The following ARHGAP28 variants were observed in gnomAD, a reference collection of about 807,000 sequenced individuals.
The protein encoded by ARHGAP28 is Rho GTPase activating protein 28, also known as rho GTPase-activating protein 28.
In ARHGAP28, 56 loss-of-function variants were observed where a neutral mutation model predicts 90.7. The observed-to-expected ratio is 0.62, with a 90% CI of 0.50 to 0.77. ARHGAP28 has a LOEUF of 0.77. Ranked by LOEUF, ARHGAP28 falls within the 30% of genes least tolerant of loss-of-function variation. The pLI is 0.00. For missense variants in ARHGAP28, 869 were observed against 900.9 expected, an observed-to-expected ratio of 0.96 and a Z score of 0.45; for synonymous variants, 308 against 323.3, an observed-to-expected ratio of 0.95 and a Z score of 0.51.
At chr18:6,877,684 G>A (rs1276793472) in intron 10 of ARHGAP28, among the ~76,000 whole-genome samples, 2 of 152,136 alleles carry the variant, frequency 1.3e-5, no homozygotes, top group African/African-American at 4.8e-5. Flanking sequence ...AATGCCCAAC[G>A]GCTCCTTAAG....
At position 6,795,012 on chromosome 18, in the gene ARHGAP28, G is replaced by A. The variant is rs1027577224; in HGVS notation, c.123-29750G>A. On this transcript the variant is annotated intron_variant, in intron 1 of 17. Transcript: ENST00000383472. Reference sequence around the variant, plus strand: ...TTTTTAATTGCAATTTTTCTTAGATGCATGAAGAAAAGTTACACAGATTTA... The same window carrying A: ...TTTTTAATTGCAATTTTTCTTAGATACATGAAGAAAAGTTACACAGATTTA... Among the ~76,000 whole-genome samples, 52 of 152,096 alleles carry A rather than the reference G, an allele frequency of 3.4e-4. 1 individual carries two copies. Among genetic ancestry groups the A allele is most frequent in the Non-Finnish European group, 8.8e-5 (6 of 68,022 alleles).
chr18:6,778,685 A>G (rs1054136870), intron 1 of ARHGAP28, among the ~76,000 whole-genome samples: 2 of 152,162 alleles, frequency 1.3e-5, no homozygotes, highest in Non-Finnish European at 2.9e-5. Flanking sequence ...TTTACTTAAT[A>G]TTGGGCACTA....
intron 2 of ARHGAP28, among the ~76,000 whole-genome samples, chr18:6,833,720 T>A (rs559096582): frequency 7.9e-5 from 12 of 152,274 alleles, no homozygotes; most frequent in African/African-American, 2.9e-4. Context: ...TTACTTAAGG[T>A]GATATATACA....
chr18:6,836,632 CACATCAAGAGTG>C (rs2056755681), intron 2 of ARHGAP28, among the ~76,000 whole-genome samples: 1 of 152,052 alleles, frequency 6.6e-6, no homozygotes, highest in African/African-American at 2.4e-5. Flanking sequence ...ACCTGGAAAC[CACATCAAGAGTG>C]ACTAAGCCCT....
intron 2 of ARHGAP28, among the ~76,000 whole-genome samples, chr18:6,827,919 C>G (rs1282312851): frequency 2.0e-5 from 3 of 151,188 alleles, no homozygotes; most frequent in African/African-American, 7.3e-5. Flanking sequence ...GGCGGCCGGG[C>G]AGAGACGCTC....
Position 6,912,105 on chromosome 18 carries a change from G to T in ARHGAP28, c.2141G>T (p.Arg714Leu). 1 of 1,608,462 alleles carries T rather than the reference G, an allele frequency of 6.2e-7. No individual in the cohort carries two copies. Among genetic ancestry groups the T allele is most frequent in the Admixed American group, 1.7e-5 (1 of 59,714 alleles). ...DPDAYILDVY[R>L]INPQAEWVIK... ...GATGCTTATATATTGGATGTATATC[G>T]TATAAATCCTCAAGCAGAATGGGTG... The change falls in exon 18 of 18, where the codon CGT (arginine) becomes CTT (leucine). Residue 714 changes from arginine to leucine, a missense_variant. Arg to Leu is a moderately radical substitution (Grantham distance 102). Coordinates refer to ENST00000383472, the MANE Select transcript of ARHGAP28 (RefSeq NM_001366230.1).
intron 11 of ARHGAP28, among the ~76,000 whole-genome samples, chr18:6,885,306 G>A (rs1365544036): frequency 6.6e-6 from 1 of 152,262 alleles, no homozygotes; most frequent in East Asian, 1.9e-4. Flanking sequence ...GGAAATAATG[G>A]CCTTTTTGCC....
intron 1 of ARHGAP28, among the ~76,000 whole-genome samples, chr18:6,796,720 C>A (rs940041840): frequency 6.6e-6 from 1 of 152,090 alleles, no homozygotes; most frequent in Non-Finnish European, 1.5e-5. Flanking sequence ...GGCAAGTGAA[C>A]CTATTTGGCA....
intron 3 of ARHGAP28, among the ~76,000 whole-genome samples, chr18:6,839,390 T>C (rs2056782276): frequency 6.7e-6 from 1 of 150,068 alleles, no homozygotes; most frequent in South Asian, 2.1e-4. Context: ...GCCTCCCGGG[T>C]TCACGCCATT....
At position 6,912,055 on chromosome 18, in the gene ARHGAP28, T is replaced by C; in HGVS notation, c.2096-5T>C. ...CTAATTCTCTGATCTTTCTCTTTCT[T>C]TTAGGAGAGCATTGCTTGGATCCAG... On this transcript the variant is annotated splice_polypyrimidine_tract_variant and splice_region_variant and intron_variant, in intron 17 of 17. Transcript: ENST00000383472. The C allele has an allele frequency of 6.3e-7, 1 of 1,580,196 alleles. No individual in the cohort carries two copies. The highest frequency in any genetic ancestry group is 2.2e-5 in the East Asian group (1 of 44,576).
At chr18:6,823,566 A>T (rs1056100201) in intron 1 of ARHGAP28, among the ~76,000 whole-genome samples, 2 of 150,854 alleles carry the variant, frequency 1.3e-5, no homozygotes, top group Non-Finnish European at 2.9e-5. Context: ...GTATATACCC[A>T]GAAGTGGAAT....
At chr18:6,800,943 T>C (rs2056477317) in intron 1 of ARHGAP28, among the ~76,000 whole-genome samples, 1 of 152,214 alleles carries the variant, frequency 6.6e-6, no homozygotes, top group African/African-American at 2.4e-5. Context: ...AGATATATGA[T>C]TTGCCATTAT....
At chr18:6,878,423 C>T (rs2057150877) in intron 10 of ARHGAP28, among the ~76,000 whole-genome samples, 1 of 151,398 alleles carries the variant, frequency 6.6e-6, no homozygotes, top group African/African-American at 2.4e-5. Context: ...TGCAGCACAC[C>T]AGCATGGCAC....
intron 3 of ARHGAP28, chr18:6,850,703 C>A: frequency 1.1e-6 from 1 of 901,602 alleles, no homozygotes; most frequent in Non-Finnish European, 1.6e-6. Context: ...ATCACATGAT[C>A]ACACTCAGTC....
At chr18:6,889,147 A>G (rs986859401) in intron 12 of ARHGAP28, among the ~76,000 whole-genome samples, 1 of 152,192 alleles carries the variant, frequency 6.6e-6, no homozygotes, top group Non-Finnish European at 1.5e-5. Flanking sequence ...AATACTGTAC[A>G]GTGGAATTCA....
At chr18:6,776,269 G>A (rs1225775021) in intron 1 of ARHGAP28, among the ~76,000 whole-genome samples, 1 of 152,222 alleles carries the variant, frequency 6.6e-6, no homozygotes, top group African/African-American at 2.4e-5. Flanking sequence ...CTCCAGATGA[G>A]CCGAGTGCAG....
chr18:6,742,148 C>CT (rs964616856), intron 1 of ARHGAP28, among the ~76,000 whole-genome samples: 47 of 147,708 alleles, frequency 3.2e-4, no homozygotes, highest in Non-Finnish European at 6.0e-4. Flanking sequence ...ACTTGGTTTT[C>CT]TTTTTTTCTT....
intron 1 of ARHGAP28, among the ~76,000 whole-genome samples, chr18:6,812,635 G>A (rs1024293581): frequency 6.6e-6 from 1 of 152,138 alleles, no homozygotes; most frequent in African/African-American, 2.4e-5. Context: ...ATAGCTTTTC[G>A]TCTGCTGTCA....
intron 1 of ARHGAP28, among the ~76,000 whole-genome samples, chr18:6,750,477 GGTCATAT>G (rs2056060332): frequency 6.6e-6 from 1 of 152,096 alleles, no homozygotes; most frequent in African/African-American, 2.4e-5. Flanking sequence ...TTGGAGATTG[GGTCATAT>G]GTTACTGTGT....
Sources: allele counts gnomAD v4.1 joint callset (sites outside exome capture counted in the v4.1 genomes callset), GRCh38; gene constraint gnomAD v4.1.1; transcripts MANE v1.5; gene names NCBI Gene and HGNC (gene_info 2026-07-23, HGNC 2026-07-21).